The following RBM47 variants were observed in gnomAD, a reference collection of about 807,000 sequenced individuals.
RBM47 encodes the protein RNA binding motif protein 47, also known as RNA-binding protein 47.
Under a neutral mutation model 47.1 loss-of-function variants are expected in RBM47, and 21 were observed. The observed-to-expected ratio is 0.45, with a 90% CI of 0.32 to 0.64. RBM47 has a LOEUF of 0.64. Ranked by LOEUF, RBM47 falls within the 30% of genes least tolerant of loss-of-function variation. The pLI, the probability that RBM47 is intolerant of heterozygous loss-of-function variation, is 0.05. For synonymous variants in RBM47, 375 were observed against 361.7 expected (o/e 1.04, Z -0.42); for missense variants, 708 against 870.9 (o/e 0.81, Z 2.35).
At chr4:40,594,476 C>T (rs1288077802) in intron 1 of RBM47, among the ~76,000 whole-genome samples, 1 of 151,140 alleles carries the variant, frequency 6.6e-6, no homozygotes, top group Non-Finnish European at 1.5e-5. Context: ...GGCTACACGT[C>T]TTACTGGGGA....
At chr4:40,455,194 T>C (rs1237771605) in intron 3 of RBM47, among the ~76,000 whole-genome samples, 1 of 152,246 alleles carries the variant, frequency 6.6e-6, no homozygotes, top group Non-Finnish European at 1.5e-5. Context: ...AACTATGTTT[T>C]TAGACTTAAA....
At chr4:40,595,530 A>C (rs1734674324) in intron 1 of RBM47, among the ~76,000 whole-genome samples, 1 of 152,092 alleles carries the variant, frequency 6.6e-6, no homozygotes, top group African/African-American at 2.4e-5. Flanking sequence ...AGAAACAGGG[A>C]AAAGTTATGA....
At chr4:40,614,336 T>C (rs987260410) in intron 1 of RBM47, among the ~76,000 whole-genome samples, 6 of 152,088 alleles carry the variant, frequency 3.9e-5, no homozygotes, top group Non-Finnish European at 8.8e-5. Context: ...TGCAGCTGTG[T>C]AAAACATAAG....
chr4:40,624,860 C>CTTTTT (rs1172791380), intron 1 of RBM47, among the ~76,000 whole-genome samples: 189 of 119,488 alleles, frequency 1.6e-3, no homozygotes, highest in African/African-American at 3.6e-3. Flanking sequence ...TTTTCTTTTT[C>CTTTTT]TTTTTTTTTT....
intron 1 of RBM47, among the ~76,000 whole-genome samples, chr4:40,624,769 C>T (rs891314253): frequency 3.3e-5 from 5 of 151,702 alleles, no homozygotes; most frequent in African/African-American, 4.8e-5. Flanking sequence ...TTGGCAAGGG[C>T]TTGGTGTACC....
chr4:40,550,633 G>A (rs1729473185), intron 1 of RBM47, among the ~76,000 whole-genome samples: 1 of 152,004 alleles, frequency 6.6e-6, no homozygotes, highest in Non-Finnish European at 1.5e-5. Flanking sequence ...GGGCCAGGCT[G>A]GTCTCAAACT....
Position 40,484,789 on chromosome 4 carries a change from T to A in RBM47, c.-154-18090A>T, listed in dbSNP as rs1055690091. On this transcript the variant is annotated intron_variant, in intron 2 of 6. Transcript: ENST00000295971. ...CACCTTCCTCCAAAAGGATTTTTTT[T>A]ATCCAGGTATCTATCTTTCTCAACA... is the stretch of plus-strand genomic sequence containing the variant. 5.3e-5 allele frequency among the ~76,000 whole-genome samples: 8 copies of A among 152,216 alleles called. No homozygotes were observed. In the South Asian group the frequency reaches 6.2e-4, roughly 12 times the overall value.
intron 2 of RBM47, among the ~76,000 whole-genome samples, chr4:40,490,146 A>G (rs1485019277): frequency 6.6e-6 from 1 of 152,196 alleles, no homozygotes; most frequent in Non-Finnish European, 1.5e-5. Context: ...GATAAATAAC[A>G]TCTACAAAAA....
At chr4:40,625,232 C>T (rs1737635252) in intron 1 of RBM47, among the ~76,000 whole-genome samples, 1 of 152,120 alleles carries the variant, frequency 6.6e-6, no homozygotes, top group Admixed American at 6.5e-5. Context: ...TTTACCTGAG[C>T]TTACAAGGCT....
intron 1 of RBM47, among the ~76,000 whole-genome samples, chr4:40,552,611 C>T (rs1480909442): frequency 2.0e-5 from 3 of 152,104 alleles, no homozygotes; most frequent in Admixed American, 6.6e-5. Flanking sequence ...AACACGGTCA[C>T]GTCACTTCCC....
chr4:40,537,866 T>A (rs10008499), intron 2 of RBM47, among the ~76,000 whole-genome samples: 4,364 of 151,654 alleles, frequency 0.029, 220 homozygotes, highest in African/African-American at 0.099. Context: ...GCGATGTCAC[T>A]GTTTTGCCCA....
Position 40,513,011 on chromosome 4 carries a change from C to A in RBM47, c.-155+31411G>T, listed in dbSNP as rs537373885. 1.3e-4 allele frequency among the ~76,000 whole-genome samples: 20 copies of A among 152,300 alleles called. No homozygotes were observed. In the South Asian group the frequency reaches 3.9e-3, roughly 30 times the overall value. On this transcript the variant is annotated intron_variant, in intron 2 of 6. Transcript: ENST00000295971. Reference sequence around the variant, plus strand: ...TAGTGAAATGACTTTCTGCTAAACTCAATTTTCCGATATGCATATAAAAAG... The same window carrying A: ...TAGTGAAATGACTTTCTGCTAAACTAAATTTTCCGATATGCATATAAAAAG...
At chr4:40,494,734 C>T (rs781309968) in intron 2 of RBM47, among the ~76,000 whole-genome samples, 2 of 152,204 alleles carry the variant, frequency 1.3e-5, no homozygotes, top group South Asian at 4.2e-4. Context: ...AGGTGTGGTA[C>T]CATGAGGGTG....
intron 2 of RBM47, among the ~76,000 whole-genome samples, chr4:40,541,767 T>C (rs1233171778): frequency 6.6e-6 from 1 of 150,430 alleles, no homozygotes; most frequent in Non-Finnish European, 1.5e-5. Flanking sequence ...AAAAAGAAAA[T>C]GTCAACACAG....
chr4:40,605,012 G>A lies in RBM47; in HGVS notation c.-240+24384C>T, dbSNP rs192387128. On this transcript the variant is annotated intron_variant, in intron 1 of 6. Coordinates refer to ENST00000295971, the MANE Select transcript of RBM47 (RefSeq NM_001098634.2). Reference sequence around the variant, plus strand: ...TTACAGACTTGAGCCACCGCACCTGGTCTTTTGTTGTTGTTGTTGTCGTGG... The same window carrying A: ...TTACAGACTTGAGCCACCGCACCTGATCTTTTGTTGTTGTTGTTGTCGTGG... Among the ~76,000 whole-genome samples the A allele has an allele frequency of 4.0e-5, 6 of 151,400 alleles. No individual in the cohort carries two copies. In the East Asian group the frequency reaches 1.2e-3, roughly 30 times the overall value.
At chr4:40,457,666 G>A (rs556067905) in intron 3 of RBM47, among the ~76,000 whole-genome samples, 91 of 152,066 alleles carry the variant, frequency 6.0e-4, no homozygotes, top group Admixed American at 1.1e-3. Flanking sequence ...AACTCCTAAC[G>A]TCAAGTGATC....
chr4:40,611,449 C>T (rs772739271), intron 1 of RBM47, among the ~76,000 whole-genome samples: 2 of 151,996 alleles, frequency 1.3e-5, no homozygotes, highest in Admixed American at 6.6e-5. Context: ...CCACATAGGC[C>T]GGGCACGGTG....
chr4:40,437,936 C>A lies in RBM47; in HGVS notation c.958G>T (p.Asp320Tyr). 1 of 1,613,738 alleles carries A rather than the reference C, an allele frequency of 6.2e-7. No individual in the cohort carries two copies. The highest frequency in any genetic ancestry group is 8.5e-7 in the Non-Finnish European group (1 of 1,179,996). The change falls in exon 4 of 7, where the codon GAC becomes TAC. Residue 320 changes from aspartate (D) to tyrosine (Y), a missense_variant. Coordinates refer to ENST00000295971, the MANE Select transcript of RBM47 (RefSeq NM_001098634.2). ...TGGTAGCGCGAGTACTGCTCCTTGT[C>A]CACGGGCTTGGCCAGCGTGACCTCC... ...CLEVTLAKPV[D>Y]KEQYSRYQKA...
intron 1 of RBM47, among the ~76,000 whole-genome samples, chr4:40,597,358 G>A (rs1272747798): frequency 1.3e-5 from 2 of 152,170 alleles, no homozygotes; most frequent in South Asian, 4.1e-4. Flanking sequence ...CACTTTGGGA[G>A]GCTGAGGGGA....
Sources: gnomAD v4.1 joint callset for allele counts (sites outside exome capture counted in the v4.1 genomes callset) on GRCh38, gnomAD v4.1.1 for gene constraint, MANE v1.5 for transcripts, NCBI Gene and HGNC (gene_info 2026-07-23, HGNC 2026-07-21) for gene names.